Variants in INSL6 observed in about 807,000 individuals in gnomAD.
INSL6 encodes insulin-like peptide INSL6.
A neutral mutation model predicts 9.4 loss-of-function variants in INSL6; 16 were observed. The observed-to-expected ratio is 1.70, with a 90% CI of 1.15 to 2.59. INSL6 has a LOEUF of 2.59. Ranked by LOEUF, INSL6 falls within the 30% of genes most tolerant of loss-of-function variation. The pLI is 0.00. For synonymous variants in INSL6, 154 were observed against 96.9 expected, an observed-to-expected ratio of 1.59 and a Z score of -3.46; for missense variants, 391 against 257.3, an observed-to-expected ratio of 1.52 and a Z score of -3.56.
chr9:5,141,046 C>A (rs1285972453), intron 2 of INSL6, among the ~76,000 whole-genome samples: 1 of 152,106 alleles, frequency 6.6e-6, no homozygotes, highest in Non-Finnish European at 1.5e-5. Flanking sequence ...TGATCTCATT[C>A]CTTTTTATGC....
At chr9:5,113,022 G>A in the INSL6 span, among the ~76,000 whole-genome samples, 298 of 152,118 alleles carry the variant, frequency 2.0e-3, 2 homozygotes, top group African/African-American at 6.8e-3. Flanking sequence ...GAAGGTGAGT[G>A]ATGGGGGTGA....
chr9:5,127,262 T>TTAATC (rs1450927255), intron 3 of INSL6: 1 of 232,432 alleles, frequency 4.3e-6, no homozygotes, highest in African/African-American at 2.2e-5. Flanking sequence ...TTTTCCATAG[T>TTAATC]TAATCTATAA....
chr9:5,129,949 T>A (rs1310757168), intron 3 of INSL6, among the ~76,000 whole-genome samples: 1 of 152,188 alleles, frequency 6.6e-6, no homozygotes, highest in African/African-American at 2.4e-5. Flanking sequence ...GGTTAAAAAA[T>A]TAATTTCAGT....
chr9:5,088,310 C>A, the INSL6 span, among the ~76,000 whole-genome samples: 1 of 152,130 alleles, frequency 6.6e-6, no homozygotes, highest in Non-Finnish European at 1.5e-5. Context: ...CCTACATGGT[C>A]TAGGTTTTTT....
the INSL6 span, among the ~76,000 whole-genome samples, chr9:5,042,319 A>C: frequency 2.0e-5 from 3 of 150,224 alleles, no homozygotes; most frequent in Admixed American, 1.3e-4. Flanking sequence ...TTGTATTTTT[A>C]GTAGAGACGG....
At chr9:5,041,023 G>A in the INSL6 span, 2 of 669,302 alleles carry the variant, frequency 3.0e-6, no homozygotes, top group Non-Finnish European at 2.7e-6. Flanking sequence ...GCTGCACCTG[G>A]GTACCGGTTC....
chr9:5,068,897 T>C, the INSL6 span: 1 of 578,880 alleles, frequency 1.7e-6, no homozygotes, highest in Non-Finnish European at 3.0e-6. Context: ...ATACTGGCAC[T>C]ACATCGGATT....
the INSL6 span, among the ~76,000 whole-genome samples, chr9:5,059,263 C>T: frequency 6.6e-6 from 1 of 152,180 alleles, no homozygotes; most frequent in Non-Finnish European, 1.5e-5. Flanking sequence ...TACCTATCAT[C>T]TACCATCACT....
chr9:5,179,309 T>C (rs1825390081), intron 1 of INSL6, among the ~76,000 whole-genome samples: 1 of 152,152 alleles, frequency 6.6e-6, no homozygotes, highest in South Asian at 2.1e-4. Flanking sequence ...TACAATGAGA[T>C]ACCATCTCAT....
the INSL6 span, chr9:5,081,765 G>A: frequency 6.2e-7 from 1 of 1,601,782 alleles, no homozygotes; most frequent in Non-Finnish European, 8.6e-7. Flanking sequence ...TACCAAATAT[G>A]AGGATAGGTG....
intron 1 of INSL6, among the ~76,000 whole-genome samples, chr9:5,182,317 G>A (rs956926116): frequency 2.0e-5 from 3 of 151,972 alleles, no homozygotes; most frequent in Non-Finnish European, 2.9e-5. Context: ...ATATGAACAG[G>A]AAAGAATGCA....
At chr9:5,145,533 T>C (rs1586861129) in intron 2 of INSL6, among the ~76,000 whole-genome samples, 2 of 152,322 alleles carry the variant, frequency 1.3e-5, no homozygotes, top group South Asian at 4.1e-4. Context: ...TTCTCATGGA[T>C]GATATCCTGA....
At chr9:4,998,514 C>G in the INSL6 span, among the ~76,000 whole-genome samples, 1 of 152,156 alleles carries the variant, frequency 6.6e-6, no homozygotes. Context: ...CTTGGCCTCC[C>G]AAAGTGCTGG....
At chr9:4,995,775 A>C in the INSL6 span, among the ~76,000 whole-genome samples, 1 of 152,216 alleles carries the variant, frequency 6.6e-6, no homozygotes, top group Admixed American at 6.5e-5. Context: ...TATTCATTTT[A>C]GTTATTCTAT....
At chr9:5,078,296 A>C in the INSL6 span, 1 of 1,608,096 alleles carries the variant, frequency 6.2e-7, no homozygotes, top group Non-Finnish European at 8.5e-7. Context: ...TGTGCGTTTA[A>C]CTCTAATAGG....
the INSL6 span, among the ~76,000 whole-genome samples, chr9:5,026,887 A>T: frequency 1.3e-5 from 2 of 152,212 alleles, no homozygotes; most frequent in Non-Finnish European, 2.9e-5. Context: ...TCACATTTTA[A>T]GTTGATATTT....
chr9:5,016,729 T>C, the INSL6 span, among the ~76,000 whole-genome samples: 3 of 152,142 alleles, frequency 2.0e-5, no homozygotes, highest in African/African-American at 7.2e-5. Context: ...CTGTACCTCC[T>C]GCCAGTTATT....
chr9:5,046,990 T>C, the INSL6 span, among the ~76,000 whole-genome samples: 1 of 152,168 alleles, frequency 6.6e-6, no homozygotes, highest in African/African-American at 2.4e-5. Context: ...TAGAAAAATT[T>C]TGGGTGATTT....
the INSL6 span, among the ~76,000 whole-genome samples, chr9:4,993,870 G>A: frequency 2.1e-3 from 317 of 152,294 alleles, 5 homozygotes; most frequent in Middle Eastern, 0.014. Context: ...GGGTTTTTCC[G>A]GGTGCTCCAA....
Sources: allele counts gnomAD v4.1 joint callset (sites outside exome capture counted in the v4.1 genomes callset), GRCh38; gene constraint gnomAD v4.1.1; transcripts MANE v1.5; gene names NCBI Gene and HGNC (gene_info 2026-07-23, HGNC 2026-07-21).